The following IQCM variants were observed in gnomAD, a reference collection of about 807,000 sequenced individuals.
IQCM encodes the protein IQ domain-containing protein M.
In IQCM, 45 loss-of-function variants were observed where a neutral mutation model predicts 57.6. The observed-to-expected ratio is 0.78, with a 90% CI of 0.62 to 1.00. The LOEUF (loss-of-function observed/expected upper bound fraction) is 1.00. Ranked by LOEUF, IQCM falls within the 50% of genes least tolerant of loss-of-function variation. The pLI is 0.00. For missense variants in IQCM, 468 were observed against 511.6 expected (o/e 0.91, Z 0.82); for synonymous variants, 148 against 158.9 (o/e 0.93, Z 0.51).
At chr4:149,778,498 A>C (rs1000980988) in intron 2 of IQCM, among the ~76,000 whole-genome samples, 1 of 152,012 alleles carries the variant, frequency 6.6e-6, no homozygotes, top group African/African-American at 2.4e-5. Flanking sequence ...GAAAAGTTTA[A>C]ATTAACAATT....
intron 13 of IQCM, among the ~76,000 whole-genome samples, chr4:149,362,378 C>T (rs1321705476): frequency 6.6e-6 from 1 of 152,048 alleles, no homozygotes; most frequent in Non-Finnish European, 1.5e-5. Flanking sequence ...ATGATATGGT[C>T]TGGCTCTGTC....
intron 12 of IQCM, among the ~76,000 whole-genome samples, chr4:149,483,715 A>G (rs938476448): frequency 3.3e-5 from 5 of 152,028 alleles, no homozygotes; most frequent in African/African-American, 1.2e-4. Context: ...GGATGGGTCC[A>G]TATGCTGAAG....
intron 2 of IQCM, among the ~76,000 whole-genome samples, chr4:149,778,027 G>A (rs1451892887): frequency 2.0e-5 from 3 of 152,142 alleles, no homozygotes; most frequent in South Asian, 2.1e-4. Flanking sequence ...GTACTTCTAG[G>A]TAATCTATGG....
intron 13 of IQCM, among the ~76,000 whole-genome samples, chr4:149,388,115 G>A (rs1296579031): frequency 2.0e-5 from 3 of 151,804 alleles, no homozygotes; most frequent in Admixed American, 6.6e-5. Flanking sequence ...TTTCCATTTG[G>A]GAGCTATTAT....
chr4:149,566,396 T>C (rs1013473859), intron 9 of IQCM, among the ~76,000 whole-genome samples: 8 of 152,160 alleles, frequency 5.3e-5, no homozygotes, highest in East Asian at 3.9e-4. Context: ...ATGTGTACTA[T>C]TGAAGTGACA....
chr4:149,811,586 C>A (rs1774570359), intron 2 of IQCM, among the ~76,000 whole-genome samples: 1 of 152,142 alleles, frequency 6.6e-6, no homozygotes, highest in Non-Finnish European at 1.5e-5. Flanking sequence ...GCTTCTCTTT[C>A]TCTTTTCCTC....
intron 7 of IQCM, among the ~76,000 whole-genome samples, chr4:149,637,986 A>G (rs940567444): frequency 2.6e-5 from 4 of 152,232 alleles, no homozygotes; most frequent in Non-Finnish European, 4.4e-5. Context: ...TCATAAGAAA[A>G]GGCAAGAAAA....
intron 8 of IQCM, among the ~76,000 whole-genome samples, chr4:149,601,826 A>G (rs1354435657): frequency 5.9e-5 from 9 of 152,102 alleles, no homozygotes; most frequent in Admixed American, 5.9e-4. Context: ...TGAGAGGCCA[A>G]GGCAGGCAGA....
At chr4:149,374,125 A>G (rs1387612245) in intron 13 of IQCM, among the ~76,000 whole-genome samples, 10 of 152,168 alleles carry the variant, frequency 6.6e-5, no homozygotes, top group Non-Finnish European at 1.2e-4. Context: ...CTTGAATTCA[A>G]AACTCCAATC....
chr4:149,560,736 T>C (rs776517613), intron 10 of IQCM, among the ~76,000 whole-genome samples: 31 of 152,208 alleles, frequency 2.0e-4, no homozygotes, highest in Non-Finnish European at 4.4e-4. Flanking sequence ...AAATTTTTCA[T>C]AGGGAATGGA....
At chr4:149,808,260 A>T (rs1580349928) in intron 2 of IQCM, among the ~76,000 whole-genome samples, 1 of 152,140 alleles carries the variant, frequency 6.6e-6, no homozygotes, top group Non-Finnish European at 1.5e-5. Flanking sequence ...TGTCATTTGC[A>T]GCAACGTGGA....
intron 13 of IQCM, among the ~76,000 whole-genome samples, chr4:149,379,474 G>T (rs1424540929): frequency 6.6e-6 from 1 of 152,174 alleles, no homozygotes; most frequent in Non-Finnish European, 1.5e-5. Flanking sequence ...ACCCAGATGT[G>T]AGACATAGAG....
intron 9 of IQCM, 150 bp downstream of exon 9, chr4:149,587,780 T>G (rs1752774221): frequency 2.6e-6 from 1 of 389,916 alleles, no homozygotes; most frequent in Non-Finnish European, 4.5e-6. Flanking sequence ...CTCCGTCAAA[T>G]TAAAAGGCCA....
chr4:149,803,651 C>G (rs1487933535), intron 2 of IQCM, among the ~76,000 whole-genome samples: 5 of 151,934 alleles, frequency 3.3e-5, no homozygotes, highest in Admixed American at 3.3e-4. Context: ...TGAAAAGGAA[C>G]TGGGGTAAAT....
intron 13 of IQCM, among the ~76,000 whole-genome samples, chr4:149,405,706 T>A (rs969520049): frequency 1.3e-5 from 2 of 151,650 alleles, no homozygotes; most frequent in African/African-American, 4.8e-5. Context: ...TCTGAAATGA[T>A]GTGCAGGACA....
rs1579505508 is a variant in IQCM, at chr4:149,563,790, A to T, written c.850T>A (p.Phe284Ile). The change falls in exon 10 of 14, where the codon TTC becomes ATC. Residue 284 changes from phenylalanine (F) to isoleucine (I), a missense_variant. Physicochemically the swap from Phe to Ile is conservative, Grantham distance 21 (BLOSUM62 0). Transcript: ENST00000636793. ...IFQVFRERKK[F>I]MITPKLIRMV... ...CTAATCAATTTTGGGGTAATCATGA[A>T]TTTTTTTCTTTCTCGGAACACTTGG... 3 of 1,231,708 alleles carry T rather than the reference A, an allele frequency of 2.4e-6. No individual in the cohort carries two copies. Among genetic ancestry groups the T allele is most frequent in the Non-Finnish European group, 3.0e-6 (3 of 987,840 alleles). The allele number at this position is 1,231,708 out of a possible 1,614,324, so 76.3% of individuals were successfully genotyped here. A position where few individuals can be genotyped will look rare whatever the true frequency, so the allele number is the denominator to read the frequency against.
intron 5 of IQCM, among the ~76,000 whole-genome samples, chr4:149,718,935 T>TC (rs1765218059): frequency 6.6e-6 from 1 of 152,224 alleles, no homozygotes; most frequent in African/African-American, 2.4e-5. Context: ...AAGACCTTTT[T>TC]CCCAAATAAA....
intron 7 of IQCM, among the ~76,000 whole-genome samples, chr4:149,627,226 G>C (rs914824452): frequency 6.6e-6 from 1 of 152,162 alleles, no homozygotes; most frequent in Non-Finnish European, 1.5e-5. Flanking sequence ...TGAAGGTGTG[G>C]AATAGGAAAG....
At chr4:149,638,951 G>C (rs746396227) in intron 7 of IQCM, among the ~76,000 whole-genome samples, 12 of 79,208 alleles carry the variant, frequency 1.5e-4, no homozygotes, top group Admixed American at 3.9e-4. Flanking sequence ...CTGCTTCTAA[G>C]TCCTAAACTG....
Sources: allele counts gnomAD v4.1 joint callset (sites outside exome capture counted in the v4.1 genomes callset), GRCh38; gene constraint gnomAD v4.1.1; transcripts MANE v1.5; gene names NCBI Gene and HGNC (gene_info 2026-07-23, HGNC 2026-07-21).